Variants in MADD observed in about 807,000 individuals in gnomAD.
MADD encodes the protein MAP kinase-activating death domain protein.
MADD carries 109 observed loss-of-function variants against 176.7 expected under a neutral mutation model. That is an observed-to-expected ratio of 0.62 (90% CI 0.53 to 0.72). The LOEUF (loss-of-function observed/expected upper bound fraction) is 0.72, where lower values mean the gene tolerates loss of function less well. Ranked by LOEUF, MADD falls within the 30% of genes least tolerant of loss-of-function variation. The pLI is 0.00. For synonymous variants in MADD, 771 were observed against 771.3 expected (o/e 1.00, Z 0.01); for missense variants, 1,914 against 2,045.5 (o/e 0.94, Z 1.24).
chr11:47,284,277 T>C (rs1565333944), exon 11 of MADD: 3 of 1,613,676 alleles, frequency 1.9e-6, no homozygotes, highest in African/African-American at 2.7e-5. Flanking sequence ...ATGGTGATAC[T>C]CCCAGTAAGT....
chr11:47,322,618 A>AG (rs1043895667), intron 27 of MADD, among the ~76,000 whole-genome samples: 168 of 152,288 alleles, frequency 1.1e-3, no homozygotes, highest in African/African-American at 3.9e-3. Flanking sequence ...CTCAAAAAGA[A>AG]GAACAGATAA....
intron 27 of MADD, among the ~76,000 whole-genome samples, chr11:47,321,211 C>T (rs2094423278): frequency 6.6e-6 from 1 of 152,166 alleles, no homozygotes; most frequent in Admixed American, 6.6e-5. Flanking sequence ...GTTCTGCCTG[C>T]CTTTACATGA....
chr11:47,304,706 A>G (rs1565469568), intron 22 of MADD, among the ~76,000 whole-genome samples: 1 of 152,030 alleles, frequency 6.6e-6, no homozygotes, highest in Non-Finnish European at 1.5e-5. Context: ...CCTTAAGATC[A>G]TTACTTTTAA....
chr11:47,291,624 C>T (rs1295397554), intron 19 of MADD, among the ~76,000 whole-genome samples: 1 of 152,160 alleles, frequency 6.6e-6, no homozygotes, highest in Non-Finnish European at 1.5e-5. Context: ...CCCTAGCCAG[C>T]AGAATATTAT....
At chr11:47,326,674 T>A (rs956560846) in intron 30 of MADD, 64 bp from the exon 35 acceptor site, 4 of 1,577,308 alleles carry the variant, frequency 2.5e-6, no homozygotes, top group Non-Finnish European at 3.5e-6. Flanking sequence ...GCTGGGAGAG[T>A]GTGCTGTGTG....
chr11:47,295,748 T>G (rs1370915604), intron 21 of MADD, 149 bp from the exon 24 acceptor site: 11 of 1,518,420 alleles, frequency 7.2e-6, no homozygotes, highest in South Asian at 5.4e-5. Context: ...ACCCAGAGCT[T>G]CTCATCTTAT....
intron 22 of MADD, among the ~76,000 whole-genome samples, chr11:47,300,173 T>G (rs747777450): frequency 4.6e-5 from 7 of 152,030 alleles, no homozygotes; most frequent in Non-Finnish European, 1.0e-4. Context: ...ATTGAAGCTA[T>G]TGGGTCCTGA....
At chr11:47,311,830 G>C in exon 26 of MADD, 1 of 1,613,050 alleles carries the variant, frequency 6.2e-7, no homozygotes, top group Non-Finnish European at 8.5e-7. Flanking sequence ...TGCTTGATCA[G>C]CTGGCGAACC....
chr11:47,286,241 G>T (rs1007278441), intron 14 of MADD, among the ~76,000 whole-genome samples, 192 bp from the exon 15 acceptor site: 1 of 152,186 alleles, frequency 6.6e-6, no homozygotes, highest in African/African-American at 2.4e-5. Flanking sequence ...GGTTTTGGCT[G>T]ATCCTGGCAG....
chr11:47,285,461 C>T, exon 14 of MADD: 1 of 1,614,160 alleles, frequency 6.2e-7, no homozygotes, highest in Non-Finnish European at 8.5e-7. Flanking sequence ...GGCTCAAAAG[C>T]TGCTGCGGCC....
chr11:47,279,527 C>T (rs374531114), intron 7 of MADD, among the ~76,000 whole-genome samples: 2 of 151,856 alleles, frequency 1.3e-5, no homozygotes, highest in East Asian at 3.9e-4. Flanking sequence ...TATAGGCGCA[C>T]GCCGCCACAC....
intron 25 of MADD, among the ~76,000 whole-genome samples, chr11:47,310,190 CT>C (rs144941495): frequency 0.013 from 1,922 of 148,030 alleles, 50 homozygotes; most frequent in African/African-American, 0.045. Flanking sequence ...TTTTCATTTT[CT>C]TTTTTTTTGA....
At chr11:47,289,599 T>TATG in intron 16 of MADD, 106 bp downstream of exon 17, 2 of 945,928 alleles carry the variant, frequency 2.1e-6, no homozygotes, top group Non-Finnish European at 3.4e-6. Flanking sequence ...CTCAATGGGG[T>TATG]AGATGTAATC....
chr11:47,294,366 A>AT lies in MADD; in HGVS notation c.3402+383_3402+384insT, dbSNP rs1555053992. 2.6e-4 allele frequency among the ~76,000 whole-genome samples: 38 copies of AT among 147,468 alleles called. No individual in the cohort carries two copies. In the South Asian group the frequency reaches 4.5e-3, roughly 17 times the overall value. ...TCCATCTCAAAAAAAAAAAAAAATA[A>AT]AAATAAAAATAAAATAGCCAGGTGC... On this transcript the variant is annotated intron_variant, in intron 20 of 32. Coordinates refer to ENST00000402192, the Ensembl canonical transcript of MADD.
chr11:47,289,286 G>A, intron 15 of MADD, 105 bp from the exon 17 acceptor site: 1 of 977,006 alleles, frequency 1.0e-6, no homozygotes, highest in Non-Finnish European at 1.6e-6. Context: ...CCCTCACCCA[G>A]CCCTTCTGAG....
At chr11:47,297,632 G>C (rs1300828410) in intron 22 of MADD, among the ~76,000 whole-genome samples, 1 of 151,430 alleles carries the variant, frequency 6.6e-6, no homozygotes, top group East Asian at 1.9e-4. Context: ...ATTTTTAGTG[G>C]AGATGGGGTT....
At chr11:47,313,482 T>A in intron 26 of MADD, among the ~76,000 whole-genome samples, 1 of 52,898 alleles carries the variant, frequency 1.9e-5, no homozygotes, top group East Asian at 2.2e-3. Context: ...ACCTGGCTAG[T>A]TTTTTTTTTT....
intron 22 of MADD, among the ~76,000 whole-genome samples, chr11:47,300,844 A>T (rs1021980337): frequency 2.0e-5 from 3 of 152,064 alleles, no homozygotes; most frequent in African/African-American, 7.2e-5. Flanking sequence ...TTGAAATTGG[A>T]CTATTCAGGT....
At chr11:47,293,127 A>G (rs2066883364) in intron 19 of MADD, among the ~76,000 whole-genome samples, 1 of 152,084 alleles carries the variant, frequency 6.6e-6, no homozygotes, top group Non-Finnish European at 1.5e-5. Flanking sequence ...GGCAGTGCCC[A>G]CCAAAACAGC....
Sources: gnomAD v4.1 joint callset for allele counts (sites outside exome capture counted in the v4.1 genomes callset) on GRCh38, gnomAD v4.1.1 for gene constraint, MANE v1.5 for transcripts, NCBI Gene and HGNC (gene_info 2026-07-23, HGNC 2026-07-21) for gene names.